TMEM117: variants seen among roughly 807,000 people sequenced by gnomAD.
TMEM117 encodes transmembrane protein 117.
In TMEM117, 27 loss-of-function variants were observed where a neutral mutation model predicts 52.4. The observed-to-expected ratio is 0.51, with a 90% confidence interval of 0.38 to 0.71. TMEM117 has a LOEUF of 0.71. TMEM117 is among the 30% of genes least tolerant of loss of function. TMEM117 has a pLI of 0.00. For synonymous variants in TMEM117, 215 were observed against 206.3 expected, an observed-to-expected ratio of 1.04 and a Z score of -0.36; for missense variants, 556 against 630.5, an observed-to-expected ratio of 0.88 and a Z score of 1.26.
rs764135998 is a variant in TMEM117 at position 43,844,680 on chromosome 12, A to T, written c.29A>T (p.Gln10Leu). Residue 10 changes from glutamine (Q) to leucine (L), a missense_variant, in exon 2 of 8, where the codon CAG (glutamine) becomes CTG (leucine). Transcript: ENST00000266534. ...GGTAAAGACTTTCGTTACTATTTCC[A>T]GCATCCCTGGTCTCGCATGATTGTG... MGKDFRYYF[Q>L]HPWSRMIVAY... The T allele has an allele frequency of 6.2e-7, 1 of 1,613,822 alleles. No homozygotes were observed. The highest frequency in any genetic ancestry group is 2.2e-5 in the East Asian group (1 of 44,874).
At chr12:44,270,938 CTGTTT>C (rs1356024889) in intron 5 of TMEM117, among the ~76,000 whole-genome samples, 3 of 151,884 alleles carry the variant, frequency 2.0e-5, no homozygotes, top group Non-Finnish European at 4.4e-5. Flanking sequence ...TATGTTAATT[CTGTTT>C]TAATTCACAT....
intron 4 of TMEM117, among the ~76,000 whole-genome samples, chr12:44,180,066 C>T (rs569489492): frequency 1.3e-5 from 2 of 152,224 alleles, no homozygotes; most frequent in East Asian, 3.9e-4. Context: ...CTTCAACTCA[C>T]ATTCCAATGA....
intron 2 of TMEM117, among the ~76,000 whole-genome samples, chr12:43,848,718 C>T (rs893478817): frequency 1.3e-5 from 2 of 152,082 alleles, no homozygotes; most frequent in Admixed American, 6.5e-5. Flanking sequence ...ACATCCTCAG[C>T]TTACGAAGAT....
intron 2 of TMEM117, among the ~76,000 whole-genome samples, chr12:43,845,771 C>T (rs867088969): frequency 3.3e-5 from 5 of 151,944 alleles, no homozygotes; most frequent in Non-Finnish European, 5.9e-5. Context: ...CAGCTCCCAC[C>T]TATGAGCAAG....
intron 6 of TMEM117, among the ~76,000 whole-genome samples, chr12:44,325,276 C>T (rs1951180504): frequency 6.6e-6 from 1 of 152,158 alleles, no homozygotes. Flanking sequence ...GCCCCTTCAT[C>T]TTTCTACAGT....
At chr12:43,898,329 G>A (rs147485142) in intron 2 of TMEM117, among the ~76,000 whole-genome samples, 96 of 150,546 alleles carry the variant, frequency 6.4e-4, no homozygotes, top group African/African-American at 2.2e-3. Context: ...TTAGTGTCAA[G>A]CTGGACTTTC....
intron 3 of TMEM117, among the ~76,000 whole-genome samples, chr12:43,950,419 A>G (rs1310718699): frequency 6.8e-6 from 1 of 146,694 alleles, no homozygotes; most frequent in Non-Finnish European, 1.5e-5. Context: ...GGCATGGGTG[A>G]TGGGTGTGGT....
intron 2 of TMEM117, among the ~76,000 whole-genome samples, chr12:43,914,091 T>C (rs963952052): frequency 1.3e-5 from 2 of 152,114 alleles, no homozygotes; most frequent in Non-Finnish European, 2.9e-5. Flanking sequence ...GGAGAAGTCT[T>C]TGGCTAAATT....
At chr12:44,374,591 A>C (rs777082233) in intron 6 of TMEM117, among the ~76,000 whole-genome samples, 8 of 151,180 alleles carry the variant, frequency 5.3e-5, no homozygotes, top group Non-Finnish European at 1.2e-4. Context: ...GTGAAAGTAC[A>C]GGTGGGAAAT....
At chr12:44,211,492 AT>A in intron 5 of TMEM117, 105 bp downstream of exon 5, 1 of 719,156 alleles carries the variant, frequency 1.4e-6, no homozygotes. Flanking sequence ...CTAGAGGGAC[AT>A]TTTTGGTAGC....
chr12:44,086,974 T>G (rs942203404), intron 3 of TMEM117, among the ~76,000 whole-genome samples: 2 of 147,292 alleles, frequency 1.4e-5, no homozygotes, highest in African/African-American at 4.9e-5. Flanking sequence ...AATTATAAAT[T>G]ATATAATATA....
chr12:44,195,692 T>A (rs961311139), intron 4 of TMEM117, among the ~76,000 whole-genome samples: 2 of 152,112 alleles, frequency 1.3e-5, no homozygotes, highest in African/African-American at 4.8e-5. Flanking sequence ...TAAAGAAAGA[T>A]ACTACCTAAT....
At chr12:43,912,107 A>G (rs910625650) in intron 2 of TMEM117, among the ~76,000 whole-genome samples, 1 of 149,980 alleles carries the variant, frequency 6.7e-6, no homozygotes, top group African/African-American at 2.4e-5. Context: ...CAAATATCCA[A>G]CAACGATAGA....
chr12:44,380,111 A>G (rs1383035857), intron 7 of TMEM117, among the ~76,000 whole-genome samples: 1 of 152,198 alleles, frequency 6.6e-6, no homozygotes, highest in Admixed American at 6.5e-5. Context: ...TATAGTTAGA[A>G]TTCCTCTTAT....
chr12:44,353,110 G>A (rs1268000185), intron 6 of TMEM117, among the ~76,000 whole-genome samples: 1 of 152,104 alleles, frequency 6.6e-6, no homozygotes, highest in African/African-American at 2.4e-5. Context: ...AGCGGTGTCT[G>A]TTCATATCCT....
intron 3 of TMEM117, among the ~76,000 whole-genome samples, chr12:44,002,433 G>A (rs1007990672): frequency 2.6e-5 from 4 of 152,084 alleles, no homozygotes; most frequent in African/African-American, 7.2e-5. Context: ...TGCAGCTCTC[G>A]GGTTGGGGTC....
At chr12:43,828,539 T>A in the TMEM117 span, among the ~76,000 whole-genome samples, 4 of 152,236 alleles carry the variant, frequency 2.6e-5, no homozygotes, top group Non-Finnish European at 5.9e-5. Flanking sequence ...GGATGGCTCT[T>A]ACTGTTTTTC....
chr12:44,152,520 A>T (rs1354203695), intron 4 of TMEM117, among the ~76,000 whole-genome samples: 5 of 114,958 alleles, frequency 4.3e-5, no homozygotes, highest in African/African-American at 7.1e-5. Context: ...ATATAAATTT[A>T]TATATATATT....
At chr12:44,010,448 G>T (rs1053841923) in intron 3 of TMEM117, among the ~76,000 whole-genome samples, 1 of 152,100 alleles carries the variant, frequency 6.6e-6, no homozygotes, top group African/African-American at 2.4e-5. Context: ...GCCTTGGAAG[G>T]GGCCCTGGAA....
Sources: allele counts gnomAD v4.1 joint callset (sites outside exome capture counted in the v4.1 genomes callset), GRCh38; gene constraint gnomAD v4.1.1; transcripts MANE v1.5; gene names NCBI Gene and HGNC (gene_info 2026-07-23, HGNC 2026-07-21).